MAF: variants seen among roughly 807,000 people sequenced by gnomAD.
MAF encodes the protein MAF bZIP transcription factor, also known as transcription factor Maf.
A neutral mutation model predicts 22.0 loss-of-function variants in MAF; 10 were observed. That is an observed-to-expected ratio of 0.45 (90% CI 0.28 to 0.77). MAF has a LOEUF of 0.77. Ranked by LOEUF, MAF falls within the 30% of genes least tolerant of loss-of-function variation. The pLI, the probability that MAF is intolerant of heterozygous loss-of-function variation, is 0.12. For synonymous variants in MAF, 337 were observed against 255.8 expected (o/e 1.32, Z -3.03); for missense variants, 544 against 548.4 (o/e 0.99, Z 0.08).
the MAF span, among the ~76,000 whole-genome samples, chr16:79,342,243 C>G: frequency 6.6e-6 from 1 of 152,176 alleles, no homozygotes; most frequent in Non-Finnish European, 1.5e-5. Context: ...GCCTGCTTCA[C>G]TTTCTTTCTA....
chr16:79,412,773 T>G, the MAF span, among the ~76,000 whole-genome samples: 1 of 152,118 alleles, frequency 6.6e-6, no homozygotes, highest in Non-Finnish European at 1.5e-5. Context: ...AAAGCTGTCC[T>G]AAAGGACAGA....
chr16:79,420,461 G>C, the MAF span, among the ~76,000 whole-genome samples: 217 of 152,298 alleles, frequency 1.4e-3, 2 homozygotes, highest in African/African-American at 5.0e-3. Context: ...TTTTATAAGA[G>C]TATTTTTATT....
At chr16:79,283,445 T>C in the MAF span, among the ~76,000 whole-genome samples, 22 of 152,208 alleles carry the variant, frequency 1.4e-4, no homozygotes, top group African/African-American at 5.3e-4. Flanking sequence ...AGCATAAATC[T>C]TTGTATTTTA....
the MAF span, among the ~76,000 whole-genome samples, chr16:79,434,332 A>C: frequency 6.6e-6 from 1 of 152,232 alleles, no homozygotes; most frequent in East Asian, 1.9e-4. Flanking sequence ...TGATGACTTC[A>C]CCATGGAGAG....
chr16:79,379,047 G>C, the MAF span, among the ~76,000 whole-genome samples: 4 of 152,138 alleles, frequency 2.6e-5, no homozygotes, highest in African/African-American at 4.8e-5. Context: ...TTTTCTCTTT[G>C]CCAGGAGGCA....
At chr16:79,460,789 T>C in the MAF span, among the ~76,000 whole-genome samples, 1 of 152,224 alleles carries the variant, frequency 6.6e-6, no homozygotes, top group Non-Finnish European at 1.5e-5. Flanking sequence ...TTCTTCTACA[T>C]TTCTTGCTAA....
chr16:79,358,000 C>A, the MAF span, among the ~76,000 whole-genome samples: 11 of 152,300 alleles, frequency 7.2e-5, no homozygotes, highest in Non-Finnish European at 1.2e-4. Context: ...TGTGAAGGTA[C>A]TTGAATGGCC....
At chr16:79,305,878 G>A in the MAF span, among the ~76,000 whole-genome samples, 1 of 152,174 alleles carries the variant, frequency 6.6e-6, no homozygotes, top group South Asian at 2.1e-4. Context: ...CACAGCCACT[G>A]CGTTTGCACT....
chr16:79,541,688 G>A, the MAF span, among the ~76,000 whole-genome samples: 1 of 130,582 alleles, frequency 7.7e-6, no homozygotes, highest in African/African-American at 2.9e-5. Flanking sequence ...TTTTTGAGAT[G>A]GTGTTCCAGT....
chr16:79,596,579 T>G (rs1913540535), intron 1 of MAF: 2 of 1,047,096 alleles, frequency 1.9e-6, no homozygotes, highest in South Asian at 9.2e-5. Context: ...GCGTGGTTAG[T>G]TAGTAACTCA....
the MAF span, among the ~76,000 whole-genome samples, chr16:79,330,766 A>G: frequency 8.5e-5 from 13 of 152,350 alleles, no homozygotes; most frequent in East Asian, 2.5e-3. Context: ...CTAAGCAGGA[A>G]TTGCCCTCCT....
the MAF span, among the ~76,000 whole-genome samples, chr16:79,373,727 C>A: frequency 6.6e-6 from 1 of 152,018 alleles, no homozygotes; most frequent in Non-Finnish European, 1.5e-5. Flanking sequence ...CACATTTAGC[C>A]CCCTCATCAT....
chr16:79,475,321 C>A, the MAF span, among the ~76,000 whole-genome samples: 1 of 147,712 alleles, frequency 6.8e-6, no homozygotes, highest in Non-Finnish European at 1.5e-5. Flanking sequence ...TATATATGTG[C>A]ATATATATAT....
At chr16:79,318,965 AC>A in the MAF span, among the ~76,000 whole-genome samples, 9 of 151,502 alleles carry the variant, frequency 5.9e-5, no homozygotes, top group Non-Finnish European at 1.0e-4. Context: ...ACACACACAC[AC>A]AAATTGAGAG....
At chr16:79,480,974 C>A in the MAF span, among the ~76,000 whole-genome samples, 3 of 152,114 alleles carry the variant, frequency 2.0e-5, no homozygotes, top group Non-Finnish European at 4.4e-5. Context: ...AAAAAAGCAC[C>A]CCCAACTCCA....
At chr16:79,361,089 C>A in the MAF span, among the ~76,000 whole-genome samples, 1 of 152,222 alleles carries the variant, frequency 6.6e-6, no homozygotes, top group Admixed American at 6.5e-5. Flanking sequence ...CCAAATCACA[C>A]TATTCACCTT....
chr16:79,543,730 A>G, the MAF span, among the ~76,000 whole-genome samples: 1 of 139,208 alleles, frequency 7.2e-6, no homozygotes, highest in Non-Finnish European at 1.5e-5. Flanking sequence ...TCTGTCGCCC[A>G]GGCTGGAGTG....
chr16:79,367,978 C>T, the MAF span, among the ~76,000 whole-genome samples: 5 of 152,310 alleles, frequency 3.3e-5, no homozygotes, highest in African/African-American at 1.2e-4. Context: ...CTGGGATGCT[C>T]TACGTCATCA....
chr16:79,279,610 C>G, the MAF span, among the ~76,000 whole-genome samples: 34 of 152,076 alleles, frequency 2.2e-4, no homozygotes, highest in Non-Finnish European at 4.0e-4. Context: ...ACCCCTCACC[C>G]CTGCAAGTGG....
Sources: gnomAD v4.1 joint callset for allele counts (sites outside exome capture counted in the v4.1 genomes callset) on GRCh38, gnomAD v4.1.1 for gene constraint, MANE v1.5 for transcripts, NCBI Gene and HGNC (gene_info 2026-07-23, HGNC 2026-07-21) for gene names.